The following CNTN5 variants were observed in gnomAD, a reference collection of about 807,000 sequenced individuals.
CNTN5 encodes contactin 5.
Under a neutral mutation model 129.1 loss-of-function variants are expected in CNTN5, and 77 were observed. The ratio of observed to expected loss-of-function variants is 0.60; its 90% CI spans 0.50 to 0.72. CNTN5 has a LOEUF of 0.72. Among genes scored for constraint, CNTN5 ranks in the 30% least tolerant of loss-of-function variants. The pLI is 0.00. For missense variants in CNTN5, 1,478 were observed against 1,328.8 expected, an observed-to-expected ratio of 1.11 and a Z score of -1.75; for synonymous variants, 509 against 465.6, an observed-to-expected ratio of 1.09 and a Z score of -1.20.
chr11:99,197,469 T>C (rs1217225518), intron 1 of CNTN5, among the ~76,000 whole-genome samples: 9 of 152,054 alleles, frequency 5.9e-5, no homozygotes, highest in Non-Finnish European at 1.3e-4. Flanking sequence ...TTATAGAAAT[T>C]CAACTTACAT....
At chr11:99,362,850 T>C (rs769006673) in intron 2 of CNTN5, among the ~76,000 whole-genome samples, 4 of 152,118 alleles carry the variant, frequency 2.6e-5, no homozygotes, top group Non-Finnish European at 5.9e-5. Flanking sequence ...TTTATTTCTA[T>C]GCTGTCTATT....
chr11:99,598,280 T>TGTCTCTC (rs1565335355), intron 3 of CNTN5, among the ~76,000 whole-genome samples: 1 of 5,940 alleles, frequency 1.7e-4, no homozygotes, highest in African/African-American at 4.1e-4. Flanking sequence ...TTTTCTTTTC[T>TGTCTCTC]TTTCTTTTCT....
chr11:99,359,349 G>A (rs1938934791), intron 2 of CNTN5, among the ~76,000 whole-genome samples: 1 of 151,922 alleles, frequency 6.6e-6, no homozygotes, highest in Non-Finnish European at 1.5e-5. Context: ...CCATTCATGA[G>A]GGCAGAGTCC....
At chr11:100,205,594 A>G (rs921754555) in intron 15 of CNTN5, among the ~76,000 whole-genome samples, 1 of 152,094 alleles carries the variant, frequency 6.6e-6, no homozygotes, top group Non-Finnish European at 1.5e-5. Context: ...TCAGTGTACA[A>G]TACAATCAGC....
At chr11:99,715,429 A>G (rs898981719) in intron 3 of CNTN5, among the ~76,000 whole-genome samples, 2 of 151,722 alleles carry the variant, frequency 1.3e-5, no homozygotes, top group African/African-American at 4.8e-5. Flanking sequence ...AAGAGAGCAG[A>G]ATAGTTGACA....
intron 9 of CNTN5, among the ~76,000 whole-genome samples, chr11:100,025,123 G>T (rs1371360999): frequency 6.6e-6 from 1 of 152,232 alleles, no homozygotes; most frequent in South Asian, 2.1e-4. Flanking sequence ...AAATGGTTTT[G>T]TGGGCTGGGC....
At chr11:99,978,232 T>C (rs11222140) in intron 8 of CNTN5, among the ~76,000 whole-genome samples, 46,620 of 152,136 alleles carry the variant, frequency 0.31, 7,724 homozygotes, top group African/African-American at 0.42. Flanking sequence ...GTACAATATG[T>C]TTGTCTTTTA....
At chr11:99,470,591 GATATA>G (rs1423284649) in intron 2 of CNTN5, among the ~76,000 whole-genome samples, 1 of 151,884 alleles carries the variant, frequency 6.6e-6, no homozygotes, top group Non-Finnish European at 1.5e-5. Flanking sequence ...TTTATTACCT[GATATA>G]ATATGTATTT....
chr11:99,652,472 C>T (rs1044396353), intron 3 of CNTN5, among the ~76,000 whole-genome samples: 1 of 151,958 alleles, frequency 6.6e-6, no homozygotes, highest in African/African-American at 2.4e-5. Flanking sequence ...AAAAGGAACG[C>T]TTTATAAGAG....
chr11:99,639,413 T>G (rs186327793), intron 3 of CNTN5, among the ~76,000 whole-genome samples: 1 of 152,218 alleles, frequency 6.6e-6, no homozygotes, highest in African/African-American at 2.4e-5. Flanking sequence ...TTGGTACTTA[T>G]GCAAATTTTT....
intron 3 of CNTN5, among the ~76,000 whole-genome samples, chr11:99,736,915 G>T (rs566757005): frequency 9.9e-5 from 15 of 152,142 alleles, no homozygotes; most frequent in African/African-American, 3.4e-4. Context: ...TACAAAGTTT[G>T]TGATCACTTA....
At chr11:99,442,218 G>A (rs1448822490) in intron 2 of CNTN5, among the ~76,000 whole-genome samples, 1 of 152,034 alleles carries the variant, frequency 6.6e-6, no homozygotes, top group East Asian at 1.9e-4. Flanking sequence ...TCTTGCCCAG[G>A]CTGGAGTGCT....
intron 8 of CNTN5, among the ~76,000 whole-genome samples, chr11:99,981,978 T>G (rs977426348): frequency 6.6e-6 from 1 of 152,174 alleles, no homozygotes; most frequent in Non-Finnish European, 1.5e-5. Context: ...AAAGTGTAAA[T>G]AGTAAATGCC....
intron 4 of CNTN5, among the ~76,000 whole-genome samples, chr11:99,839,055 G>T (rs1947394343): frequency 6.6e-6 from 1 of 151,698 alleles, no homozygotes; most frequent in African/African-American, 2.4e-5. Flanking sequence ...CAAGTTAATT[G>T]GTCTAAAGAT....
rs187178762 is a variant in CNTN5 at position 100,292,207 on chromosome 11, C to T, written c.2315-5418C>T. On this transcript the variant is annotated intron_variant, in intron 18 of 24. Transcript: ENST00000524871. ...CCAGGTCAGACAAGAAGGAGAAAAG[C>T]TTCCACTTAGATGGTACAATTTGTG... Among the ~76,000 whole-genome samples, 156 of 152,116 alleles carry T rather than the reference C, an allele frequency of 1.0e-3. 6 individuals carry two copies. In the East Asian group the frequency reaches 0.013, roughly 12 times the overall value.
At chr11:99,909,302 C>A (rs1286507490) in intron 6 of CNTN5, among the ~76,000 whole-genome samples, 2 of 152,078 alleles carry the variant, frequency 1.3e-5, no homozygotes, top group Non-Finnish European at 2.9e-5. Flanking sequence ...ATTAAAAAAT[C>A]AGGAAACAAC....
chr11:99,784,735 G>C (rs1945449724), intron 3 of CNTN5, among the ~76,000 whole-genome samples: 1 of 148,110 alleles, frequency 6.8e-6, no homozygotes, highest in African/African-American at 2.5e-5. Flanking sequence ...TCCAGCATCT[G>C]TTGTTTCCTG....
chr11:99,944,411 G>A lies in CNTN5; in HGVS notation c.674-12395G>A, dbSNP rs190114485. 2.6e-3 allele frequency among the ~76,000 whole-genome samples: 395 copies of A among 152,122 alleles called. 13 individuals are homozygous for A. Among genetic ancestry groups the A allele is most frequent in the Admixed American group, 0.022 (331 of 15,246 alleles). On this transcript the variant is annotated intron_variant, in intron 7 of 24. Coordinates refer to ENST00000524871, the MANE Select transcript of CNTN5 (RefSeq NM_014361.4). ...ACAAACCTATAGCCAATATCATACC[G>A]AATGGGCAAAAGCTGGAAGCATTCT...
chr11:99,876,500 T>C (rs547416715), intron 6 of CNTN5, among the ~76,000 whole-genome samples: 1 of 152,288 alleles, frequency 6.6e-6, no homozygotes, highest in South Asian at 2.1e-4. Flanking sequence ...GCACTATATG[T>C]ACCTGGAGTT....
Sources: gnomAD v4.1 joint callset for allele counts (sites outside exome capture counted in the v4.1 genomes callset) on GRCh38, gnomAD v4.1.1 for gene constraint, MANE v1.5 for transcripts, NCBI Gene and HGNC (gene_info 2026-07-23, HGNC 2026-07-21) for gene names.